Variants in NAV1 observed in about 807,000 individuals in gnomAD.
NAV1 encodes neuron navigator 1.
Under a neutral mutation model 175.2 loss-of-function variants are expected in NAV1, and 18 were observed. The observed-to-expected ratio is 0.10, with a 90% CI of 0.07 to 0.15. The LOEUF (loss-of-function observed/expected upper bound fraction) is 0.15, where lower values mean the gene tolerates loss of function less well. NAV1 is among the 10% of genes least tolerant of loss of function. The probability of loss-of-function intolerance (pLI) is 1.00; values close to 1 mark genes in which losing one functional copy is unlikely to be tolerated. For missense variants in NAV1, 1,731 were observed against 2,436.6 expected (o/e 0.71, Z 6.10); for synonymous variants, 897 against 978.7 (o/e 0.92, Z 1.56).
intron 3 of NAV1, among the ~76,000 whole-genome samples, chr1:201,777,277 A>G (rs937254059): frequency 1.3e-5 from 2 of 152,236 alleles, no homozygotes; most frequent in Non-Finnish European, 2.9e-5. Flanking sequence ...CATAATGTCA[A>G]CTATTCAGCA....
chr1:201,600,571 A>G (rs1015629871), intron 2 of NAV1, among the ~76,000 whole-genome samples: 1 of 152,200 alleles, frequency 6.6e-6, no homozygotes, highest in African/African-American at 2.4e-5. Flanking sequence ...ATTAGGGGAA[A>G]CTGGGTGAAG....
At chr1:201,800,259 C>T (rs1677765096) in intron 15 of NAV1, among the ~76,000 whole-genome samples, 1 of 152,228 alleles carries the variant, frequency 6.6e-6, no homozygotes. Context: ...CCTGGGCCTC[C>T]CAGAGTGCTG....
chr1:201,698,749 G>A (rs1671289181), intron 1 of NAV1, among the ~76,000 whole-genome samples: 1 of 152,238 alleles, frequency 6.6e-6, no homozygotes, highest in Non-Finnish European at 1.5e-5. Context: ...GCGAAAGGAA[G>A]TGATGTCAGG....
At chr1:201,609,682 G>A (rs1016814483) in intron 2 of NAV1, among the ~76,000 whole-genome samples, 7 of 152,194 alleles carry the variant, frequency 4.6e-5, no homozygotes, top group African/African-American at 1.7e-4. Flanking sequence ...CGGCTTGGGG[G>A]TCTTCACAGG....
At chr1:201,652,578 G>A (rs1669246863) in intron 1 of NAV1, among the ~76,000 whole-genome samples, 1 of 152,206 alleles carries the variant, frequency 6.6e-6, no homozygotes, top group South Asian at 2.1e-4. Flanking sequence ...CTGGGTCTGG[G>A]GGCTAAGCTG....
At chr1:201,682,420 C>CT (rs1670503253) in intron 1 of NAV1, among the ~76,000 whole-genome samples, 1 of 152,150 alleles carries the variant, frequency 6.6e-6, no homozygotes, top group African/African-American at 2.4e-5. Flanking sequence ...ACTATTTTAG[C>CT]TTTTTTCTCC....
chr1:201,623,067 T>C (rs760030029), exon 1 of NAV1: 1 of 985,914 alleles, frequency 1.0e-6, no homozygotes, highest in Non-Finnish European at 1.2e-6. Context: ...TGGGAAAGGC[T>C]GCAGGTCCTT....
In NAV1 at chr1:201,815,059, T is replaced by TA. The variant is rs963605473; in HGVS notation, c.5340+1813dup. ...TGTCTCAAAAAAAAAAAAAAAAAGT[T>TA]AAAAAAAAAAAATTAAGCATTATGA... On this transcript the variant is annotated intron_variant, in intron 28 of 29. Coordinates refer to ENST00000367296, the Ensembl canonical transcript of NAV1. 3.9e-4 allele frequency among the ~76,000 whole-genome samples: 55 copies of TA among 142,276 alleles called. No individual in the cohort carries two copies. The South Asian group carries it at 4.3e-3, about 11-fold the overall frequency. The allele number at this position is 142,276 out of a possible 152,430, so 93.3% of individuals were successfully genotyped here. A position where few individuals can be genotyped will look rare whatever the true frequency, so the allele number is the denominator to read the frequency against.
intron 2 of NAV1, among the ~76,000 whole-genome samples, chr1:201,594,138 C>T (rs1419143457): frequency 3.3e-5 from 5 of 150,584 alleles, no homozygotes; most frequent in Non-Finnish European, 4.4e-5. Context: ...GCTTCCACAG[C>T]GTGGAAGGGG....
intron 1 of NAV1, among the ~76,000 whole-genome samples, chr1:201,685,612 G>A (rs1386187872): frequency 6.6e-6 from 1 of 152,222 alleles, no homozygotes; most frequent in East Asian, 1.9e-4. Flanking sequence ...GCCTGTGGCA[G>A]AATCTTCGGT....
rs770287142 is a variant in NAV1 at position 201,718,687 on chromosome 1, G to A, written c.1158G>A (p.Lys386=). ...TGGACTCGGATGAGGTGGACCTCAA[G>A]TCCGGCTACATGAGCGACAGTGACC... Residue 386 remains lysine, a synonymous_variant, in exon 3 of 30, where the codon AAG becomes AAA. Transcript: ENST00000367296. The surrounding 1 kb of genome is among the most constrained non-coding windows in gnomAD (Gnocchi z 4.8). 1.9e-6 allele frequency: 3 copies of A among 1,614,190 alleles called. No individual in the cohort carries two copies. The highest frequency in any genetic ancestry group is 1.7e-6 in the Non-Finnish European group (2 of 1,180,040).
chr1:201,564,307 C>T (rs1666291588), intron 1 of NAV1, among the ~76,000 whole-genome samples: 1 of 152,074 alleles, frequency 6.6e-6, no homozygotes, highest in Admixed American at 6.6e-5. Flanking sequence ...TCACCTTTAG[C>T]GTCCTTACCT....
At chr1:201,823,969 C>T (rs1679529034) in exon 30 of NAV1, 1 of 151,908 alleles carries the variant, frequency 6.6e-6, no homozygotes, top group South Asian at 2.1e-4. Context: ...CACATAGAAA[C>T]CCTGCATTTA....
intron 1 of NAV1, among the ~76,000 whole-genome samples, chr1:201,707,545 G>C (rs1048264412): frequency 7.9e-5 from 12 of 152,192 alleles, no homozygotes; most frequent in Admixed American, 7.9e-4. Flanking sequence ...CTGAATCTAA[G>C]GACTATGTTC....
chr1:201,697,665 C>A (rs968997691), intron 1 of NAV1, among the ~76,000 whole-genome samples: 1 of 152,192 alleles, frequency 6.6e-6, no homozygotes, highest in Non-Finnish European at 1.5e-5. Flanking sequence ...CTCTTCTGGG[C>A]TTGCAGCAGG....
rs1004461412 is a variant in NAV1, at chr1:201,705,593, G to A, written c.758-7224G>A. 5.3e-5 allele frequency among the ~76,000 whole-genome samples: 8 copies of A among 152,136 alleles called. No homozygotes were observed. In the East Asian group the frequency reaches 7.7e-4, roughly 15 times the overall value. ...GAGATTTGCCATGCTGCGGGGGTTC[G>A]GTGACAACTGCCTCTGACAATATTG... On this transcript the variant is annotated intron_variant, in intron 1 of 29. Coordinates refer to ENST00000367296, the Ensembl canonical transcript of NAV1.
At chr1:201,615,632 C>A (rs1667982020) in intron 2 of NAV1, among the ~76,000 whole-genome samples, 1 of 152,192 alleles carries the variant, frequency 6.6e-6, no homozygotes, top group Admixed American at 6.5e-5. Context: ...TTTACTCTTT[C>A]ATTGCTTCTT....
In NAV1 at chr1:201,813,381, G is replaced by A. The variant is rs1396781144; in HGVS notation, c.5340+123G>A. The A allele has an allele frequency of 4.5e-6, 3 of 670,796 alleles. No individual in the cohort carries two copies. Among genetic ancestry groups the A allele is most frequent in the East Asian group, 5.4e-5 (2 of 36,804 alleles). The allele number at this position is 670,796 out of a possible 1,614,324, so 41.6% of individuals were successfully genotyped here. A position where few individuals can be genotyped will look rare whatever the true frequency, so the allele number is the denominator to read the frequency against. On this transcript the variant is annotated intron_variant, in intron 28 of 29. Transcript: ENST00000367296. The surrounding 1 kb of genome is among the most constrained non-coding windows in gnomAD (Gnocchi z 4.2). ...TAGTTAGGTTCTCTTTCTAACAGGT[G>A]GAGCAAGGCACTGGGTAGACTAAGC...
intron 1 of NAV1, among the ~76,000 whole-genome samples, chr1:201,663,244 A>C (rs1669683560): frequency 6.6e-6 from 1 of 152,258 alleles, no homozygotes. Flanking sequence ...ATGTCAGCCC[A>C]GTGGTTGTTT....
Sources: allele counts gnomAD v4.1 joint callset (sites outside exome capture counted in the v4.1 genomes callset), GRCh38; gene constraint gnomAD v4.1.1; non-coding constraint Gnocchi (gnomAD v3.1); transcripts MANE v1.5; gene names NCBI Gene and HGNC (gene_info 2026-07-23, HGNC 2026-07-21).